Variants in EPHA3 observed in about 807,000 individuals in gnomAD.
EPHA3 encodes EPH receptor A3, also known as ephrin type-A receptor 3.
A neutral mutation model predicts 107.1 loss-of-function variants in EPHA3; 42 were observed. The ratio of observed to expected loss-of-function variants is 0.39; its 90% confidence interval spans 0.31 to 0.51. EPHA3 has a LOEUF of 0.51. EPHA3 is among the 20% of genes least tolerant of loss of function. The probability of loss-of-function intolerance (pLI) is 0.78; values close to 1 mark genes in which losing one functional copy is unlikely to be tolerated. For missense variants in EPHA3, 1,183 were observed against 1,211.2 expected, an observed-to-expected ratio of 0.98 and a Z score of 0.35; for synonymous variants, 461 against 424.8, an observed-to-expected ratio of 1.09 and a Z score of -1.05.
chr3:89,321,204 A>G (rs542117789), intron 3 of EPHA3, among the ~76,000 whole-genome samples: 2 of 152,070 alleles, frequency 1.3e-5, no homozygotes, highest in Non-Finnish European at 2.9e-5. Context: ...TGGAAGCAGC[A>G]TGTGAGTTGA....
chr3:89,176,327 G>A (rs967995621), intron 2 of EPHA3, among the ~76,000 whole-genome samples: 1 of 151,288 alleles, frequency 6.6e-6, no homozygotes, highest in Admixed American at 6.6e-5. Flanking sequence ...TTACTAAAAC[G>A]TGCAAAAATT....
At chr3:89,388,904 C>T (rs1420162043) in intron 5 of EPHA3, among the ~76,000 whole-genome samples, 1 of 152,096 alleles carries the variant, frequency 6.6e-6, no homozygotes, top group Admixed American at 6.5e-5. Flanking sequence ...TTATAAAATA[C>T]TAAATCATCA....
chr3:89,474,662 TTGA>T (rs1559709626), intron 16 of EPHA3, among the ~76,000 whole-genome samples: 1 of 152,214 alleles, frequency 6.6e-6, no homozygotes, highest in Non-Finnish European at 1.5e-5. Flanking sequence ...CAGAACACTG[TTGA>T]TAAGATTAAC....
intron 2 of EPHA3, among the ~76,000 whole-genome samples, chr3:89,154,082 C>T (rs1481808952): frequency 2.0e-5 from 3 of 151,998 alleles, no homozygotes; most frequent in Admixed American, 1.3e-4. Flanking sequence ...ATTGACCTCT[C>T]GTTGTGGCTT....
At chr3:89,327,511 A>C (rs923995559) in intron 3 of EPHA3, among the ~76,000 whole-genome samples, 3 of 152,190 alleles carry the variant, frequency 2.0e-5, no homozygotes, top group African/African-American at 7.2e-5. Context: ...AAAGTGGTAC[A>C]GACTCTATCA....
chr3:89,189,364 G>A (rs777908679), intron 2 of EPHA3, among the ~76,000 whole-genome samples: 1 of 152,122 alleles, frequency 6.6e-6, no homozygotes, highest in Non-Finnish European at 1.5e-5. Flanking sequence ...GGAGGCCAAG[G>A]CAGGGGGATC....
At chr3:89,475,102 A>G (rs1365917152) in intron 16 of EPHA3, among the ~76,000 whole-genome samples, 3 of 152,192 alleles carry the variant, frequency 2.0e-5, no homozygotes, top group South Asian at 2.1e-4. Context: ...GAGTCTTCAT[A>G]GTGTCATGCA....
At chr3:89,431,428 A>G in intron 13 of EPHA3, 69 bp downstream of exon 13, 2 of 1,369,700 alleles carry the variant, frequency 1.5e-6, no homozygotes, top group South Asian at 2.7e-5. Flanking sequence ...TTTGTAAATA[A>G]GTAGAAATCA....
chr3:89,378,615 CTGTG>C, intron 5 of EPHA3, among the ~76,000 whole-genome samples: 1 of 152,218 alleles, frequency 6.6e-6, no homozygotes, highest in Non-Finnish European at 1.5e-5. Context: ...GTCTTCACAC[CTGTG>C]TTTGAGAACA....
At chr3:89,226,255 A>T (rs1425405554) in intron 3 of EPHA3, among the ~76,000 whole-genome samples, 5 of 152,114 alleles carry the variant, frequency 3.3e-5, no homozygotes, top group Non-Finnish European at 5.9e-5. Context: ...ATTGGAGCTA[A>T]CAAGAGATAA....
At chr3:89,119,410 T>G (rs765387638) in intron 1 of EPHA3, among the ~76,000 whole-genome samples, 4 of 152,142 alleles carry the variant, frequency 2.6e-5, no homozygotes, top group African/African-American at 4.8e-5. Flanking sequence ...CGGAGTTTGA[T>G]GCTTTCCATT....
At chr3:89,328,651 G>A (rs1324980335) in intron 3 of EPHA3, among the ~76,000 whole-genome samples, 1 of 152,112 alleles carries the variant, frequency 6.6e-6, no homozygotes, top group Non-Finnish European at 1.5e-5. Flanking sequence ...CTATGTCTTG[G>A]AAGCCCTCAA....
At chr3:89,218,455 A>C (rs933358710) in intron 3 of EPHA3, among the ~76,000 whole-genome samples, 2 of 151,948 alleles carry the variant, frequency 1.3e-5, no homozygotes, top group African/African-American at 2.4e-5. Context: ...GTCCTTACAA[A>C]GGACCTGAAC....
intron 13 of EPHA3, among the ~76,000 whole-genome samples, chr3:89,439,723 GCA>G (rs59868005): frequency 0.084 from 11,206 of 132,828 alleles, 907 homozygotes; most frequent in African/African-American, 0.23. Flanking sequence ...TCATATTAAG[GCA>G]CACACACACA....
chr3:89,139,505 G>A (rs1265776574), intron 2 of EPHA3, among the ~76,000 whole-genome samples: 1 of 151,760 alleles, frequency 6.6e-6, no homozygotes, highest in Non-Finnish European at 1.5e-5. Flanking sequence ...TGAAAAGGCA[G>A]CAAATAAGCC....
chr3:89,387,410 G>A (rs1231269009), intron 5 of EPHA3, among the ~76,000 whole-genome samples: 2 of 152,142 alleles, frequency 1.3e-5, no homozygotes, highest in African/African-American at 2.4e-5. Flanking sequence ...ATGTGAAGAA[G>A]GAAGTGTTTG....
intron 2 of EPHA3, among the ~76,000 whole-genome samples, chr3:89,176,882 T>C (rs1444453276): frequency 6.6e-6 from 1 of 152,170 alleles, no homozygotes; most frequent in Non-Finnish European, 1.5e-5. Context: ...TATATGGAGA[T>C]TAAAATAAAT....
At chr3:89,406,719 C>T (rs555737562) in intron 7 of EPHA3, among the ~76,000 whole-genome samples, 1 of 152,106 alleles carries the variant, frequency 6.6e-6, no homozygotes, top group African/African-American at 2.4e-5. Context: ...GGCTCCTGGG[C>T]TTTTTTGCCA....
chr3:89,422,945 C>CG (rs1270716821), intron 11 of EPHA3, among the ~76,000 whole-genome samples: 2 of 151,066 alleles, frequency 1.3e-5, no homozygotes, highest in Non-Finnish European at 3.0e-5. Flanking sequence ...TAGCAGAAAG[C>CG]GGGGGGCACA....
Sources: allele counts gnomAD v4.1 joint callset (sites outside exome capture counted in the v4.1 genomes callset), GRCh38; gene constraint gnomAD v4.1.1; transcripts MANE v1.5; gene names NCBI Gene and HGNC (gene_info 2026-07-23, HGNC 2026-07-21).